TRPM3: variants seen among roughly 807,000 people sequenced by gnomAD.
TRPM3 encodes the protein long transient receptor potential channel 3.
Under a neutral mutation model 181.2 loss-of-function variants are expected in TRPM3, and 77 were observed. The ratio of observed to expected loss-of-function variants is 0.42; its 90% CI spans 0.35 to 0.51. TRPM3 has a LOEUF of 0.51. TRPM3 is among the 20% of genes least tolerant of loss of function. TRPM3 has a pLI of 0.01. For synonymous variants in TRPM3, 745 were observed against 796.4 expected (o/e 0.94, Z 1.09); for missense variants, 1,759 against 2,196.7 (o/e 0.80, Z 3.98).
At chr9:71,180,750 A>G (rs1171360047) in intron 1 of TRPM3, among the ~76,000 whole-genome samples, 2 of 152,176 alleles carry the variant, frequency 1.3e-5, no homozygotes, top group Non-Finnish European at 2.9e-5. Context: ...TTCTCTTTGT[A>G]TAAATCTTTT....
chr9:70,658,962 C>T (rs183277725), intron 9 of TRPM3, among the ~76,000 whole-genome samples: 2 of 152,072 alleles, frequency 1.3e-5, no homozygotes, highest in African/African-American at 2.4e-5. Flanking sequence ...GTCAAGAAAA[C>T]TTTTCTTTTG....
At chr9:70,993,046 T>C (rs1451372190) in intron 1 of TRPM3, among the ~76,000 whole-genome samples, 2 of 152,098 alleles carry the variant, frequency 1.3e-5, no homozygotes, top group Non-Finnish European at 2.9e-5. Context: ...TAAAGACCAA[T>C]GTACCTGGTG....
chr9:70,579,755 A>T (rs542015621), intron 22 of TRPM3, among the ~76,000 whole-genome samples: 1 of 152,326 alleles, frequency 6.6e-6, no homozygotes, highest in African/African-American at 2.4e-5. Flanking sequence ...CGTAGAAGAC[A>T]GTGTTTGGAG....
intron 1 of TRPM3, among the ~76,000 whole-genome samples, chr9:70,865,631 G>A (rs565891788): frequency 6.6e-6 from 1 of 152,164 alleles, no homozygotes; most frequent in South Asian, 2.1e-4. Context: ...ATGTCTATAA[G>A]CTGTGCTAAA....
intron 1 of TRPM3, among the ~76,000 whole-genome samples, chr9:71,405,310 T>TA (rs941527895): frequency 3.3e-5 from 5 of 152,168 alleles, no homozygotes; most frequent in Admixed American, 6.5e-5. Flanking sequence ...AAATTTTTTT[T>TA]AAAAAAATCT....
chr9:70,653,469 GT>G (rs922675904), intron 9 of TRPM3, among the ~76,000 whole-genome samples: 5 of 150,408 alleles, frequency 3.3e-5, no homozygotes, highest in East Asian at 2.0e-4. Context: ...TGGGGATATG[GT>G]TTTTTTTTGG....
chr9:70,924,582 C>A (rs911149781), intron 1 of TRPM3, among the ~76,000 whole-genome samples: 1 of 152,076 alleles, frequency 6.6e-6, no homozygotes, highest in Admixed American at 6.6e-5. Context: ...CTGAGTCAAA[C>A]CAAATGAATG....
chr9:71,377,928 T>C (rs1449475229), intron 1 of TRPM3, among the ~76,000 whole-genome samples: 2 of 152,068 alleles, frequency 1.3e-5, no homozygotes, highest in African/African-American at 4.8e-5. Context: ...CTCATTGCTA[T>C]GTAGTATTTG....
At chr9:70,923,456 T>A (rs1012657646) in intron 1 of TRPM3, among the ~76,000 whole-genome samples, 9 of 152,118 alleles carry the variant, frequency 5.9e-5, no homozygotes, top group African/African-American at 1.9e-4. Flanking sequence ...TTAATTTTTT[T>A]AATAACAAAT....
At chr9:71,355,783 G>C (rs184310673) in intron 1 of TRPM3, among the ~76,000 whole-genome samples, 363 of 152,026 alleles carry the variant, frequency 2.4e-3, no homozygotes, top group African/African-American at 8.3e-3. Flanking sequence ...CAAAACGTTT[G>C]TTCTTCATAA....
intron 6 of TRPM3, among the ~76,000 whole-genome samples, chr9:70,794,802 G>A (rs1475181345): frequency 3.3e-5 from 5 of 152,082 alleles, no homozygotes; most frequent in Non-Finnish European, 7.4e-5. Flanking sequence ...CAAAGCTAAC[G>A]ACATATAAGC....
At chr9:71,365,789 T>C (rs2092316009) in intron 1 of TRPM3, among the ~76,000 whole-genome samples, 1 of 152,164 alleles carries the variant, frequency 6.6e-6, no homozygotes, top group Non-Finnish European at 1.5e-5. Context: ...AACAAATAAG[T>C]ATATAGCACC....
intron 5 of TRPM3, among the ~76,000 whole-genome samples, chr9:70,838,357 C>T (rs1023842055): frequency 3.3e-5 from 5 of 152,226 alleles, no homozygotes; most frequent in Admixed American, 1.3e-4. Context: ...GGGCGGGGCC[C>T]TATGAATGGG....
intron 1 of TRPM3, among the ~76,000 whole-genome samples, chr9:71,043,636 T>G (rs181796919): frequency 9.3e-4 from 141 of 152,340 alleles, no homozygotes; most frequent in African/African-American, 2.9e-3. Context: ...CATCATTCTA[T>G]TGAAATGATT....
chr9:70,899,568 C>A (rs1208527493), intron 1 of TRPM3, among the ~76,000 whole-genome samples: 1 of 152,008 alleles, frequency 6.6e-6, no homozygotes, highest in Non-Finnish European at 1.5e-5. Flanking sequence ...TCTTTTTGTT[C>A]CTTCCCTTGA....
At chr9:70,909,290 G>A (rs935567858) in intron 1 of TRPM3, among the ~76,000 whole-genome samples, 4 of 152,296 alleles carry the variant, frequency 2.6e-5, no homozygotes, top group Middle Eastern at 3.4e-3. Context: ...ATCTGTCATT[G>A]TCCAAGTACT....
rs182765295 is a variant in TRPM3, at chr9:71,174,529, G to A, written c.183+272124C>T. On this transcript the variant is annotated intron_variant, in intron 1 of 24. Transcript: ENST00000357533. ...GTACTCTAGCCTGGGCAACAGAGTT[G>A]AGACTCCATCTCCAAAAAAAAAAGA... Among the ~76,000 whole-genome samples the A allele has an allele frequency of 1.3e-3, 191 of 151,756 alleles. No individual in the cohort carries two copies. The Middle Eastern group carries it at 0.02, about 16-fold the overall frequency.
At chr9:71,094,694 T>C (rs893535132) in intron 1 of TRPM3, among the ~76,000 whole-genome samples, 3 of 152,074 alleles carry the variant, frequency 2.0e-5, no homozygotes, top group Non-Finnish European at 2.9e-5. Flanking sequence ...GTTGGGAGAA[T>C]TGAATGCATT....
At position 70,864,525 on chromosome 9, in the gene TRPM3, C is replaced by CAAAAA. The variant is rs71367234; in HGVS notation, c.178-19_178-15dup. The stretch of plus-strand genomic sequence containing the variant: ...GGATTTCTGAGCCTGAAAAAGAAAA[C>CAAAAA]AAAAAAAAAAAAAAAAGAAAAAAGA... On this transcript the variant is annotated splice_polypyrimidine_tract_variant and intron_variant, in intron 1 of 25. Coordinates refer to ENST00000677713, the MANE Select transcript of TRPM3 (RefSeq NM_001366145.2). 37,567 of 884,620 alleles carry CAAAAA rather than the reference C, an allele frequency of 0.042. 901 individuals are homozygous for CAAAAA. The highest frequency in any genetic ancestry group is 0.17 in the African/African-American group (7,773 of 45,776). The allele number at this position is 884,620 out of a possible 1,614,324, so 54.8% of individuals were successfully genotyped here. A position where few individuals can be genotyped will look rare whatever the true frequency, so the allele number is the denominator to read the frequency against.
Sources: gnomAD v4.1 joint callset for allele counts (sites outside exome capture counted in the v4.1 genomes callset) on GRCh38, gnomAD v4.1.1 for gene constraint, MANE v1.5 for transcripts, NCBI Gene and HGNC (gene_info 2026-07-23, HGNC 2026-07-21) for gene names.